The following ANKMY2 variants were observed in gnomAD, a reference collection of about 807,000 sequenced individuals.
The protein encoded by ANKMY2 is ankyrin repeat and MYND domain-containing protein 2.
Under a neutral mutation model 50.4 loss-of-function variants are expected in ANKMY2, and 36 were observed. The ratio of observed to expected loss-of-function variants is 0.71; its 90% CI spans 0.55 to 0.94. ANKMY2 has a LOEUF of 0.94. ANKMY2 is among the 40% of genes least tolerant of loss of function. The pLI is 0.00. For synonymous variants in ANKMY2, 187 were observed against 178.8 expected, an observed-to-expected ratio of 1.05 and a Z score of -0.36; for missense variants, 565 against 524.0, an observed-to-expected ratio of 1.08 and a Z score of -0.76.
At chr7:16,601,689 G>A (rs759051241) in intron 9 of ANKMY2, among the ~76,000 whole-genome samples, 2 of 152,126 alleles carry the variant, frequency 1.3e-5, no homozygotes, top group Non-Finnish European at 2.9e-5. Flanking sequence ...CAGAATAACC[G>A]AGGCATCTTT....
At chr7:16,603,581 A>T (rs1356597334) in intron 8 of ANKMY2, 1 of 470,988 alleles carries the variant, frequency 2.1e-6, no homozygotes, top group Non-Finnish European at 4.4e-6. Context: ...GCCCTTATAC[A>T]TATATTGTAT....
In ANKMY2 at chr7:16,609,718, T is replaced by C; in HGVS notation, c.794A>G (p.Lys265Arg). The change falls in exon 7 of 10, where the codon AAG becomes AGG. Residue 265 changes from lysine to arginine, a missense_variant. Coordinates refer to ENST00000306999, the MANE Select transcript of ANKMY2 (RefSeq NM_020319.3). ...ASDGFPVYQEKIIRESIRKFP... is the reference protein window; with the variant it reads ...ASDGFPVYQERIIRESIRKFP... ...TTTTCTGATACTTTCTCTAATGATC[T>C]TTTCTTGATACACTGGAAAGCCATC... The C allele has an allele frequency of 6.2e-7, 1 of 1,611,508 alleles. No individual in the cohort carries two copies. Among genetic ancestry groups the C allele is most frequent in the Non-Finnish European group, 8.5e-7 (1 of 1,179,322 alleles).
Position 16,602,498 on chromosome 7 carries a change from A to T in ANKMY2, c.1023T>A (p.Cys341Ter). 1 of 1,612,292 alleles carries T rather than the reference A, an allele frequency of 6.2e-7. No individual in the cohort carries two copies. Among genetic ancestry groups the T allele is most frequent in the Non-Finnish European group, 8.5e-7 (1 of 1,179,618 alleles). ...RCSVCKMVIY[C>*]DQTCQKTHWF... ...AGTGTGTTTTCTGGCAGGTTTGATC[A>T]CAATATATTACCTGAAAGCAATTGT... The change falls in exon 9 of 10, where the codon TGT becomes TGA. Residue 341 changes from cysteine (C) to a stop codon, truncating the protein, a stop_gained. Coordinates refer to ENST00000306999, the MANE Select transcript of ANKMY2 (RefSeq NM_020319.3). LOFTEE classifies it high-confidence loss of function.
chr7:16,606,130 T>C (rs76504252), intron 7 of ANKMY2, among the ~76,000 whole-genome samples: 36,360 of 151,946 alleles, frequency 0.24, 4,662 homozygotes, highest in East Asian at 0.49. Flanking sequence ...AAACTTTTTT[T>C]ACAAAGAAAA....
At chr7:16,640,943 A>G (rs1432951245) in intron 1 of ANKMY2, among the ~76,000 whole-genome samples, 1 of 152,230 alleles carries the variant, frequency 6.6e-6, no homozygotes, top group East Asian at 1.9e-4. Context: ...GTGTTTACGT[A>G]TAAGTAAAAT....
chr7:16,602,785 C>T (rs2128341512), intron 8 of ANKMY2, among the ~76,000 whole-genome samples: 1 of 152,238 alleles, frequency 6.6e-6, no homozygotes, highest in Middle Eastern at 3.4e-3. Context: ...GTGCTGTCCT[C>T]ACAATACTGA....
chr7:16,640,121 G>A (rs1583686698), intron 1 of ANKMY2, among the ~76,000 whole-genome samples: 1 of 151,980 alleles, frequency 6.6e-6, no homozygotes, highest in African/African-American at 2.4e-5. Flanking sequence ...AGTCAAGATC[G>A]CGCCACTGCA....
rs375866238 is a variant in ANKMY2 at position 16,600,656 on chromosome 7, G to C, written c.*105C>G. ...TGTATTCTATGAAATGTGGAATCCT[G>C]CCATGGTGCCACGCAGGTATAACAA... On this transcript the variant is annotated 3_prime_UTR_variant, in exon 10 of 10. Coordinates refer to ENST00000306999, the MANE Select transcript of ANKMY2 (RefSeq NM_020319.3). 2.4e-3 allele frequency: 2,416 copies of C among 988,576 alleles called. 27 individuals carry two copies. The South Asian group carries it at 0.027, about 11-fold the overall frequency. The allele number at this position is 988,576 out of a possible 1,614,324, so 61.2% of individuals were successfully genotyped here. A position where few individuals can be genotyped will look rare whatever the true frequency, so the allele number is the denominator to read the frequency against.
At chr7:16,605,642 C>T (rs963506091) in intron 7 of ANKMY2, among the ~76,000 whole-genome samples, 21 of 149,360 alleles carry the variant, frequency 1.4e-4, no homozygotes, top group Middle Eastern at 3.5e-3. Flanking sequence ...GGATTGCAGG[C>T]GCCCGCCACT....
At chr7:16,624,831 C>T in intron 4 of ANKMY2, 152 bp downstream of exon 4, 10 of 615,024 alleles carry the variant, frequency 1.6e-5, no homozygotes, top group South Asian at 1.0e-4. Context: ...TCCAGAGTCA[C>T]TAGGTGTTTC....
intron 5 of ANKMY2, among the ~76,000 whole-genome samples, chr7:16,612,839 T>C (rs1483751471): frequency 6.6e-6 from 1 of 152,208 alleles, no homozygotes; most frequent in African/African-American, 2.4e-5. Context: ...TAATATATTA[T>C]AAAGGAAATC....
intron 8 of ANKMY2, among the ~76,000 whole-genome samples, chr7:16,603,051 C>T (rs10250902): frequency 0.32 from 48,953 of 152,076 alleles, 8,453 homozygotes; most frequent in South Asian, 0.44. Context: ...AACGTAAGAA[C>T]GGCCTAACAC....
At chr7:16,610,880 G>T (rs1781239495) in intron 5 of ANKMY2, 117 bp from the exon 6 acceptor site, 3 of 854,266 alleles carry the variant, frequency 3.5e-6, no homozygotes, top group Non-Finnish European at 5.3e-6. Flanking sequence ...TTAGGATCAT[G>T]AAGTTATTAT....
intron 1 of ANKMY2, among the ~76,000 whole-genome samples, chr7:16,645,074 C>T (rs1781813082): frequency 6.6e-6 from 1 of 152,068 alleles, no homozygotes; most frequent in South Asian, 2.1e-4. Flanking sequence ...CGGGGATCGG[C>T]AAAGGATCCA....
rs193170935 is a variant in ANKMY2 at position 16,622,959 on chromosome 7, G to A, written c.370+2024C>T. Reference sequence around the variant, plus strand: ...AAGTGGTTAAAAAACTGTAAAATCTGTCAATAAGGGAGAGCTAACTGAACT... The same window carrying A: ...AAGTGGTTAAAAAACTGTAAAATCTATCAATAAGGGAGAGCTAACTGAACT... On this transcript the variant is annotated intron_variant, in intron 4 of 9. Transcript: ENST00000306999. Among the ~76,000 whole-genome samples, 135 of 152,214 alleles carry A rather than the reference G, an allele frequency of 8.9e-4. 2 individuals are homozygous for A. In the East Asian group the frequency reaches 0.024, roughly 27 times the overall value.
intron 7 of ANKMY2, among the ~76,000 whole-genome samples, chr7:16,607,476 G>A (rs556883024): frequency 6.6e-6 from 1 of 152,072 alleles, no homozygotes; most frequent in African/African-American, 2.4e-5. Flanking sequence ...GCTGAGACAT[G>A]AGAATCGCTT....
At chr7:16,617,264 G>A (rs992309273) in intron 4 of ANKMY2, among the ~76,000 whole-genome samples, 1 of 152,154 alleles carries the variant, frequency 6.6e-6, no homozygotes, top group Admixed American at 6.5e-5. Flanking sequence ...TTGCTTGGTT[G>A]AATGTCATTT....
rs756381245 is a variant in ANKMY2 at position 16,604,807 on chromosome 7, T to C, written c.925A>G (p.Thr309Ala). 15 of 1,612,432 alleles carry C rather than the reference T, an allele frequency of 9.3e-6. No individual in the cohort carries two copies. In the South Asian group the frequency reaches 1.4e-4, roughly 15 times the overall value. The change falls in exon 8 of 10, where the codon ACT becomes GCT. Residue 309 changes from threonine to alanine, a missense_variant. By Grantham distance (58) the Thr-to-Ala change is moderately conservative. Transcript: ENST00000306999. ...TAFSVLTQAI[T>A]GQVGFVDVEF... is the part of the protein sequence containing the mutation. ...ACATCCACAAAACCCACCTGGCCAG[T>C]GATGGCTTGGGTAAGGACGGAGAAT...
At chr7:16,638,383 A>T (rs1008131619) in intron 1 of ANKMY2, among the ~76,000 whole-genome samples, 9 of 152,204 alleles carry the variant, frequency 5.9e-5, no homozygotes, top group Non-Finnish European at 2.9e-5. Flanking sequence ...AACTCAGGGA[A>T]ACACTACTTA....
Sources: gnomAD v4.1 joint callset for allele counts (sites outside exome capture counted in the v4.1 genomes callset) on GRCh38, gnomAD v4.1.1 for gene constraint, MANE v1.5 for transcripts, NCBI Gene and HGNC (gene_info 2026-07-23, HGNC 2026-07-21) for gene names.